The following BABAM2 variants were observed in gnomAD, a reference collection of about 807,000 sequenced individuals.
The protein encoded by BABAM2 is BRISC and BRCA1-A complex member 2.
In BABAM2, 31 loss-of-function variants were observed where a neutral mutation model predicts 54.7. That is an observed-to-expected ratio of 0.57 (90% CI 0.43 to 0.77). The LOEUF is 0.77. BABAM2 is among the 30% of genes least tolerant of loss of function. BABAM2 has a pLI of 0.00. For missense variants in BABAM2, 364 were observed against 455.8 expected (o/e 0.80, Z 1.83); for synonymous variants, 167 against 162.9 (o/e 1.03, Z -0.19).
chr2:28,027,514 T>A (rs1175760233), intron 5 of BABAM2, among the ~76,000 whole-genome samples: 2 of 152,200 alleles, frequency 1.3e-5, no homozygotes, highest in Non-Finnish European at 1.5e-5. Flanking sequence ...TACTTTCTGT[T>A]TCTATCAATT....
chr2:28,118,612 T>C (rs1319068690), intron 6 of BABAM2, among the ~76,000 whole-genome samples: 1 of 152,184 alleles, frequency 6.6e-6, no homozygotes, highest in Non-Finnish European at 1.5e-5. Flanking sequence ...TTGTAAACTC[T>C]GGATATTAGC....
chr2:27,997,766 A>C (rs910619108), intron 4 of BABAM2, among the ~76,000 whole-genome samples: 2 of 152,200 alleles, frequency 1.3e-5, no homozygotes, highest in African/African-American at 4.8e-5. Flanking sequence ...CATTTAGCAG[A>C]TGTTGCCAGT....
intron 7 of BABAM2, among the ~76,000 whole-genome samples, chr2:28,132,131 T>C (rs1247436013): frequency 1.4e-5 from 2 of 146,860 alleles, no homozygotes; most frequent in Non-Finnish European, 3.0e-5. Context: ...TTTTTTTTCT[T>C]TCTTCTTCTT....
intron 7 of BABAM2, among the ~76,000 whole-genome samples, chr2:28,167,005 A>G (rs1673749603): frequency 6.6e-6 from 1 of 152,206 alleles, no homozygotes; most frequent in Non-Finnish European, 1.5e-5. Flanking sequence ...TAGTGTTAAC[A>G]TGCTGGTGGG....
intron 11 of BABAM2, among the ~76,000 whole-genome samples, chr2:28,315,093 G>A (rs1470483930): frequency 1.4e-5 from 2 of 138,970 alleles, no homozygotes; most frequent in East Asian, 4.7e-4. Context: ...GGAAGGAGAG[G>A]AGAGGGGAGA....
At chr2:28,229,449 A>G (rs1681176355) in intron 7 of BABAM2, among the ~76,000 whole-genome samples, 1 of 152,190 alleles carries the variant, frequency 6.6e-6, no homozygotes, top group Admixed American at 6.5e-5. Flanking sequence ...TGGAGTTATT[A>G]TTCACTACTC....
At chr2:27,912,405 T>A (rs551068215) in intron 2 of BABAM2, among the ~76,000 whole-genome samples, 1 of 152,330 alleles carries the variant, frequency 6.6e-6, no homozygotes, top group South Asian at 2.1e-4. Context: ...ATTTATCATG[T>A]TTTTGCATCA....
rs1360883175 is a variant in BABAM2, at chr2:28,196,321, C to CGTCTCAAAAAAAAAA, written c.681-40881_681-40880insGTCTCAAAAAAAAAA. 1.5e-4 allele frequency among the ~76,000 whole-genome samples: 16 copies of CGTCTCAAAAAAAAAA among 107,544 alleles called. 1 individual carries two copies. The highest frequency in any genetic ancestry group is 2.9e-4 in the Admixed American group (3 of 10,240). 70.6% of individuals were successfully genotyped at this position (107,544 alleles called of 152,430 possible). ...CAGCCTGGGCAACAGAGCAAGACTC[C>CGTCTCAAAAAAAAAA]ATATAAAAAAAAAATGAATTTTTTA... On this transcript the variant is annotated intron_variant, in intron 7 of 11. Transcript: ENST00000379624.
At chr2:28,075,558 A>ATGTG (rs144550431) in intron 6 of BABAM2, among the ~76,000 whole-genome samples, 7,443 of 147,956 alleles carry the variant, frequency 0.05, 597 homozygotes, top group African/African-American at 0.17. Context: ...TTCTCTGTGC[A>ATGTG]TGTGTGTGTG....
intron 7 of BABAM2, among the ~76,000 whole-genome samples, chr2:28,169,377 A>T (rs937885101): frequency 6.6e-6 from 1 of 152,232 alleles, no homozygotes; most frequent in African/African-American, 2.4e-5. Flanking sequence ...CTGTTGCTCT[A>T]GGATTTCAGT....
intron 7 of BABAM2, among the ~76,000 whole-genome samples, chr2:28,133,057 C>T (rs933442096): frequency 3.9e-5 from 6 of 152,180 alleles, no homozygotes; most frequent in African/African-American, 1.4e-4. Flanking sequence ...AACTACCAAA[C>T]ATTCTTATAT....
chr2:28,317,762 C>A (rs1316999353), intron 11 of BABAM2, among the ~76,000 whole-genome samples: 1 of 152,160 alleles, frequency 6.6e-6, no homozygotes, highest in African/African-American at 2.4e-5. Context: ...TTGCTGTTTT[C>A]TTCTCATATT....
intron 6 of BABAM2, among the ~76,000 whole-genome samples, chr2:28,050,547 A>G (rs142850581): frequency 4.4e-4 from 67 of 152,328 alleles, no homozygotes; most frequent in Admixed American, 7.8e-4. Flanking sequence ...TACTGTGCAG[A>G]ACACCTAAGT....
rs1673865396 is a variant in BABAM2 at position 28,167,729 on chromosome 2, TA to T, written c.680+38352del. 6.6e-5 allele frequency among the ~76,000 whole-genome samples: 10 copies of T among 151,504 alleles called. 1 individual carries two copies. The South Asian group carries it at 1.7e-3, about 25-fold the overall frequency. On this transcript the variant is annotated intron_variant, in intron 7 of 11. Transcript: ENST00000379624. ...ATAAATAAATAAATAAATAAATAAATAAATAAATAACGCAGTTTGCTAAGTC... is the reference window on the plus strand; with the variant it reads ...ATAAATAAATAAATAAATAAATAAATAATAAATAACGCAGTTTGCTAAGTC...
intron 10 of BABAM2, among the ~76,000 whole-genome samples, chr2:28,260,474 G>A (rs539036685): frequency 6.7e-6 from 1 of 148,748 alleles, no homozygotes; most frequent in South Asian, 2.1e-4. Flanking sequence ...GCTAATTTTT[G>A]TATTTTTAGT....
At chr2:28,147,500 G>C (rs545266645) in intron 7 of BABAM2, among the ~76,000 whole-genome samples, 3 of 149,422 alleles carry the variant, frequency 2.0e-5, no homozygotes, top group African/African-American at 7.4e-5. Flanking sequence ...TGGAGACGGA[G>C]TCTCACTCTG....
chr2:27,977,285 G>A (rs2337374), intron 3 of BABAM2, among the ~76,000 whole-genome samples: 99,409 of 151,946 alleles, frequency 0.65, 34,199 homozygotes, highest in Middle Eastern at 0.8. Flanking sequence ...CATAAAGGGA[G>A]GTTTCCAGAA....
chr2:28,025,344 TTGAATA>T lies in BABAM2; in HGVS notation c.420_425del (p.Glu141_Tyr142del). On this transcript the variant is annotated inframe_deletion, in exon 5 of 12. Transcript: ENST00000379624. Reference sequence around the variant, plus strand: ...CTCCGGGAGAGCTCCCGCCTCATGTTTGAATACCAGACATTACTGGAGGAGCCACAG... The same window carrying T: ...CTCCGGGAGAGCTCCCGCCTCATGTTCCAGACATTACTGGAGGAGCCACAG... The T allele has an allele frequency of 6.2e-7, 1 of 1,613,300 alleles. No homozygotes were observed. Among genetic ancestry groups the T allele is most frequent in the Non-Finnish European group, 8.5e-7 (1 of 1,179,830 alleles).
chr2:27,942,831 A>T (rs373821573), intron 3 of BABAM2, among the ~76,000 whole-genome samples: 1 of 48,386 alleles, frequency 2.1e-5, no homozygotes, highest in African/African-American at 8.8e-5. Flanking sequence ...TTTATTTATT[A>T]AGACAGGGTC....
Sources: gnomAD v4.1 joint callset for allele counts (sites outside exome capture counted in the v4.1 genomes callset) on GRCh38, gnomAD v4.1.1 for gene constraint, MANE v1.5 for transcripts, NCBI Gene and HGNC (gene_info 2026-07-23, HGNC 2026-07-21) for gene names.